The following SGCZ variants were observed in gnomAD, a reference collection of about 807,000 sequenced individuals.
SGCZ encodes the protein zeta-sarcoglycan.
Under a neutral mutation model 41.3 loss-of-function variants are expected in SGCZ, and 40 were observed. The observed-to-expected ratio is 0.97, with a 90% CI of 0.75 to 1.26. The LOEUF is 1.26. Ranked by LOEUF, SGCZ falls within the 50% of genes most tolerant of loss-of-function variation. The pLI is 0.00. For missense variants in SGCZ, 552 were observed against 369.8 expected (o/e 1.49, Z -4.04); for synonymous variants, 206 against 137.5 (o/e 1.50, Z -3.49).
intron 4 of SGCZ, among the ~76,000 whole-genome samples, chr8:14,175,697 G>C (rs1206420591): frequency 6.6e-6 from 1 of 151,910 alleles, no homozygotes; most frequent in Non-Finnish European, 1.5e-5. Context: ...AACAAAAAAG[G>C]AGGTAGAAAA....
chr8:14,496,092 C>T (rs1415303445), intron 2 of SGCZ, among the ~76,000 whole-genome samples: 3 of 152,028 alleles, frequency 2.0e-5, no homozygotes, highest in African/African-American at 7.2e-5. Flanking sequence ...AAGGGATAGG[C>T]TCTCATTCTG....
intron 2 of SGCZ, among the ~76,000 whole-genome samples, chr8:14,502,467 T>G (rs1473111885): frequency 6.6e-6 from 1 of 152,176 alleles, no homozygotes; most frequent in Non-Finnish European, 1.5e-5. Context: ...TCTCAGAGTT[T>G]GGAATACAAA....
chr8:14,214,177 C>T (rs1316788373), intron 4 of SGCZ, among the ~76,000 whole-genome samples: 2 of 152,114 alleles, frequency 1.3e-5, no homozygotes, highest in Non-Finnish European at 2.9e-5. Context: ...CCCCAGAACA[C>T]ATTACTTCAG....
chr8:14,919,753 G>A (rs979912841), intron 1 of SGCZ, among the ~76,000 whole-genome samples: 26 of 151,848 alleles, frequency 1.7e-4, no homozygotes, highest in Non-Finnish European at 1.5e-5. Flanking sequence ...CCCCATCTCT[G>A]CTAAAAATAC....
intron 1 of SGCZ, among the ~76,000 whole-genome samples, chr8:15,015,887 T>G (rs186567662): frequency 5.1e-4 from 78 of 152,084 alleles, no homozygotes; most frequent in African/African-American, 1.9e-3. Context: ...TGGTCTTAAT[T>G]TTCTGCTGCT....
chr8:15,012,576 T>A (rs1423782206), intron 1 of SGCZ, among the ~76,000 whole-genome samples: 1 of 84,902 alleles, frequency 1.2e-5, no homozygotes, highest in East Asian at 2.8e-4. Context: ...TAAATATATA[T>A]TTATATAACA....
At chr8:14,553,758 AC>A (rs1421842817) in intron 2 of SGCZ, among the ~76,000 whole-genome samples, 1 of 152,016 alleles carries the variant, frequency 6.6e-6, no homozygotes, top group Non-Finnish European at 1.5e-5. Context: ...CTAAACCAAT[AC>A]CCAGTGGGGT....
chr8:14,345,403 A>G (rs1372664408), intron 2 of SGCZ, among the ~76,000 whole-genome samples: 1 of 152,168 alleles, frequency 6.6e-6, no homozygotes, highest in African/African-American at 2.4e-5. Flanking sequence ...CCTCTGACCT[A>G]GAATTCAAGT....
chr8:14,755,697 A>G (rs1050333039), intron 1 of SGCZ, among the ~76,000 whole-genome samples: 1 of 152,094 alleles, frequency 6.6e-6, no homozygotes, highest in Non-Finnish European at 1.5e-5. Context: ...CATGATCTTT[A>G]TTGGTAAATA....
chr8:14,978,709 G>A (rs929915326), intron 1 of SGCZ, among the ~76,000 whole-genome samples: 1 of 152,000 alleles, frequency 6.6e-6, no homozygotes. Flanking sequence ...CTTTAATAAA[G>A]TAAAGCTTGG....
intron 1 of SGCZ, among the ~76,000 whole-genome samples, chr8:14,909,256 T>TA (rs1399854119): frequency 1.3e-5 from 2 of 152,304 alleles, no homozygotes; most frequent in Non-Finnish European, 2.9e-5. Flanking sequence ...TATGACTTGT[T>TA]AGATTGTGAA....
intron 1 of SGCZ, among the ~76,000 whole-genome samples, chr8:14,847,712 G>A (rs1803181475): frequency 1.7e-5 from 2 of 117,934 alleles, no homozygotes; most frequent in African/African-American, 6.3e-5. Flanking sequence ...GGAGGGAGGG[G>A]AGGAGGAAAG....
chr8:14,655,947 A>G (rs940202945), intron 1 of SGCZ, among the ~76,000 whole-genome samples: 1 of 151,954 alleles, frequency 6.6e-6, no homozygotes, highest in East Asian at 1.9e-4. Context: ...GCTCCTTTTT[A>G]TTGCTGAAGA....
rs1488201896 is a variant in SGCZ at position 14,090,247 on chromosome 8, T to G, written c.*196A>C. ...GCTGACGACGCTTTTTCCACTGCTG[T>G]GTCAATCACACCCTCTGTGTTGAGC... On this transcript the variant is annotated 3_prime_UTR_variant, in exon 8 of 8. Coordinates refer to ENST00000382080, the MANE Select transcript of SGCZ (RefSeq NM_139167.4). 12 of 458,966 alleles carry G rather than the reference T, an allele frequency of 2.6e-5. No individual in the cohort carries two copies. The highest frequency in any genetic ancestry group is 4.5e-5 in the Non-Finnish European group (12 of 268,780). The allele number at this position is 458,966 out of a possible 1,614,324, so 28.4% of individuals were successfully genotyped here.
chr8:14,394,300 G>A (rs1346825802), intron 2 of SGCZ, among the ~76,000 whole-genome samples: 10 of 151,840 alleles, frequency 6.6e-5, no homozygotes, highest in East Asian at 5.8e-4. Context: ...ACAGGCATGC[G>A]CCACCACACC....
At position 14,128,159 on chromosome 8, in the gene SGCZ, T is replaced by C. The variant is rs567340390; in HGVS notation, c.548-19924A>G. 5.3e-5 allele frequency among the ~76,000 whole-genome samples: 8 copies of C among 152,258 alleles called. No homozygotes were observed. In the East Asian group the frequency reaches 1.2e-3, roughly 22 times the overall value. ...GTGGGAGTGTAAACTATTTCAACCA[T>C]TGTGGAAGACAGTGCTTCGATTCTA... is the stretch of plus-strand genomic sequence containing the variant. On this transcript the variant is annotated intron_variant, in intron 5 of 7. Transcript: ENST00000382080.
intron 1 of SGCZ, among the ~76,000 whole-genome samples, chr8:15,177,597 C>G (rs888426318): frequency 5.9e-5 from 9 of 152,030 alleles, no homozygotes; most frequent in Admixed American, 6.6e-5. Context: ...TAGACTGATT[C>G]ATTGATAAAA....
At chr8:14,887,653 G>T (rs577894899) in intron 1 of SGCZ, among the ~76,000 whole-genome samples, 1 of 152,186 alleles carries the variant, frequency 6.6e-6, no homozygotes, top group South Asian at 2.1e-4. Flanking sequence ...ACTAGATGCA[G>T]GTTAGAGGAA....
intron 1 of SGCZ, among the ~76,000 whole-genome samples, chr8:15,210,998 G>A (rs913867309): frequency 1.3e-5 from 2 of 150,010 alleles, no homozygotes; most frequent in Non-Finnish European, 3.0e-5. Context: ...GCAACACCCA[G>A]GCTTCTCTCT....
Sources: allele counts gnomAD v4.1 joint callset (sites outside exome capture counted in the v4.1 genomes callset), GRCh38; gene constraint gnomAD v4.1.1; transcripts MANE v1.5; gene names NCBI Gene and HGNC (gene_info 2026-07-23, HGNC 2026-07-21).